The following NEDD4 variants were observed in gnomAD, a reference collection of about 807,000 sequenced individuals.
NEDD4 encodes the protein E3 ubiquitin-protein ligase NEDD4.
Under a neutral mutation model 144.9 loss-of-function variants are expected in NEDD4, and 99 were observed. The ratio of observed to expected loss-of-function variants is 0.68; its 90% CI spans 0.58 to 0.81. The LOEUF (loss-of-function observed/expected upper bound fraction) is 0.81, where lower values mean the gene tolerates loss of function less well. Among genes scored for constraint, NEDD4 ranks in the 30% least tolerant of loss-of-function variants. NEDD4 has a pLI of 0.00. For synonymous variants in NEDD4, 318 were observed against 350.6 expected (o/e 0.91, Z 1.04); for missense variants, 985 against 1,065.9 (o/e 0.92, Z 1.06).
intron 12 of NEDD4, among the ~76,000 whole-genome samples, chr15:55,853,355 G>A (rs992345711): frequency 3.3e-5 from 5 of 152,100 alleles, no homozygotes; most frequent in African/African-American, 1.2e-4. Context: ...CACAGATAAC[G>A]TCATTTACTT....
chr15:55,962,361 A>C (rs1381967631), intron 2 of NEDD4, among the ~76,000 whole-genome samples: 2 of 152,142 alleles, frequency 1.3e-5, no homozygotes, highest in African/African-American at 2.4e-5. Context: ...TTAATCCATT[A>C]ATGTTCCTTG....
At chr15:55,873,814 G>A (rs1373628937) in intron 6 of NEDD4, 144 bp downstream of exon 6, 4 of 407,236 alleles carry the variant, frequency 9.8e-6, no homozygotes, top group African/African-American at 8.3e-5. Context: ...ATTGAAATGA[G>A]TTTTTAGAAA....
chr15:55,916,254 G>T (rs772211814), intron 5 of NEDD4: 10 of 1,613,928 alleles, frequency 6.2e-6, no homozygotes, highest in Non-Finnish European at 8.5e-6. Context: ...TGGTGGAAAA[G>T]TATAACTACT....
chr15:55,965,255 T>C (rs539024222), intron 2 of NEDD4, among the ~76,000 whole-genome samples: 4 of 151,856 alleles, frequency 2.6e-5, no homozygotes, highest in South Asian at 2.1e-4. Context: ...CTGGAGTGCA[T>C]TGGCACAATC....
chr15:55,935,338 A>T (rs1451684382), intron 4 of NEDD4, among the ~76,000 whole-genome samples: 1 of 152,134 alleles, frequency 6.6e-6, no homozygotes, highest in Non-Finnish European at 1.5e-5. Context: ...TAGCTAAAAG[A>T]ATTATAATTT....
chr15:55,930,930 G>A (rs1000991069), intron 4 of NEDD4, among the ~76,000 whole-genome samples: 7 of 152,130 alleles, frequency 4.6e-5, no homozygotes, highest in South Asian at 2.1e-4. Context: ...TCTTGGGTAC[G>A]TCTTTACTAG....
At chr15:55,908,594 C>G (rs1161878149) in intron 5 of NEDD4, among the ~76,000 whole-genome samples, 1 of 152,170 alleles carries the variant, frequency 6.6e-6, no homozygotes, top group Non-Finnish European at 1.5e-5. Context: ...ATACAGAAAT[C>G]TCAGGCCCCC....
rs542044408 is a variant in NEDD4 at position 55,843,732 on chromosome 15, G to A, written c.1609-1569C>T. Among the ~76,000 whole-genome samples the A allele has an allele frequency of 3.3e-5, 5 of 152,230 alleles. No individual in the cohort carries two copies. In the South Asian group the frequency reaches 8.3e-4, roughly 25 times the overall value. ...AAGCAATATAAGCATGATATGAGCA[G>A]TTTCCTATACTGCTTATGTCATTAA... is the stretch of plus-strand genomic sequence containing the variant. On this transcript the variant is annotated intron_variant, in intron 18 of 28. Coordinates refer to ENST00000435532, the MANE Select transcript of NEDD4 (RefSeq NM_006154.4).
intron 4 of NEDD4, among the ~76,000 whole-genome samples, chr15:55,927,576 A>G (rs1250131866): frequency 1.3e-5 from 2 of 152,144 alleles, no homozygotes; most frequent in Non-Finnish European, 2.9e-5. Flanking sequence ...TTTGCATTAG[A>G]CACTGGCAAG....
chr15:55,910,010 C>CATTTCAG (rs58793673), intron 5 of NEDD4, among the ~76,000 whole-genome samples: 57,834 of 151,456 alleles, frequency 0.38, 11,281 homozygotes, highest in East Asian at 0.48. Context: ...GCTGAATTTC[C>CATTTCAG]TTTTCACTCA....
At chr15:55,970,911 C>A (rs1170571579) in intron 1 of NEDD4, among the ~76,000 whole-genome samples, 1 of 152,136 alleles carries the variant, frequency 6.6e-6, no homozygotes, top group Non-Finnish European at 1.5e-5. Flanking sequence ...CAACATCATC[C>A]AGGACAACAT....
At chr15:55,948,627 A>AAG (rs2037171242) in intron 4 of NEDD4, among the ~76,000 whole-genome samples, 1 of 152,132 alleles carries the variant, frequency 6.6e-6, no homozygotes, top group Admixed American at 6.6e-5. Context: ...TGGAACAGAA[A>AAG]AGAGCCCTCA....
intron 5 of NEDD4, among the ~76,000 whole-genome samples, chr15:55,878,889 C>A (rs1298756896): frequency 6.6e-6 from 1 of 152,232 alleles, no homozygotes; most frequent in Non-Finnish European, 1.5e-5. Context: ...ATGGCGCGAT[C>A]TCGACTCACT....
intron 12 of NEDD4, among the ~76,000 whole-genome samples, chr15:55,854,433 C>T (rs1423831084): frequency 6.6e-6 from 1 of 152,126 alleles, no homozygotes; most frequent in Admixed American, 6.6e-5. Flanking sequence ...TATATCTCTA[C>T]AGTGGAATAC....
At chr15:55,935,157 C>A (rs2036861585) in intron 4 of NEDD4, among the ~76,000 whole-genome samples, 1 of 152,024 alleles carries the variant, frequency 6.6e-6, no homozygotes, top group East Asian at 1.9e-4. Flanking sequence ...CATGAGCCAC[C>A]ATGTCTGGCC....
chr15:55,920,192 T>TAG (rs1448291950), intron 5 of NEDD4, among the ~76,000 whole-genome samples: 1 of 150,886 alleles, frequency 6.6e-6, no homozygotes, highest in African/African-American at 2.4e-5. Flanking sequence ...TGTGGAAATA[T>TAG]ATATATTCAT....
chr15:55,963,558 A>G (rs1384073821), intron 2 of NEDD4, among the ~76,000 whole-genome samples: 3 of 152,178 alleles, frequency 2.0e-5, no homozygotes, highest in Non-Finnish European at 2.9e-5. Flanking sequence ...TACCTGCTCC[A>G]TCCTTTATGT....
Position 55,874,134 on chromosome 15 carries a change from C to CA in NEDD4, c.292-127dup, listed in dbSNP as rs2034907682. The CA allele has an allele frequency of 8.3e-6, 4 of 481,142 alleles. No homozygotes were observed. In the East Asian group the frequency reaches 1.3e-4, roughly 15 times the overall value. 29.8% of individuals were successfully genotyped at this position (481,142 alleles called of 1,614,324 possible). A position where few individuals can be genotyped will look rare whatever the true frequency, so the allele number is the denominator to read the frequency against. ...TTTTTTATTCAGTCATATGCAGCAT[C>CA]AATGGAAAATAAAAAGTAATGTGGT... On this transcript the variant is annotated intron_variant, in intron 5 of 28. Transcript: ENST00000435532.
rs200257962 is a variant in NEDD4, at chr15:55,940,233, ATATCAAGTGTTCT to A, written c.237+11130_237+11142del. ...ACCAAAACCTTTGTGAAGAGGGTAC[ATATCAAGTGTTCT>A]TACCACAAAAAAGGGGGTGATAGGA... is the stretch of plus-strand genomic sequence containing the variant. On this transcript the variant is annotated intron_variant, in intron 4 of 28. Coordinates refer to ENST00000435532, the MANE Select transcript of NEDD4 (RefSeq NM_006154.4). Among the ~76,000 whole-genome samples, 1,186 of 152,248 alleles carry A rather than the reference ATATCAAGTGTTCT, an allele frequency of 7.8e-3. 15 individuals are homozygous for A. The highest frequency in any genetic ancestry group is 0.027 in the African/African-American group (1,134 of 41,544).
Sources: gnomAD v4.1 joint callset for allele counts (sites outside exome capture counted in the v4.1 genomes callset) on GRCh38, gnomAD v4.1.1 for gene constraint, MANE v1.5 for transcripts, NCBI Gene and HGNC (gene_info 2026-07-23, HGNC 2026-07-21) for gene names.